Variants in ZNF185 observed in about 807,000 individuals in gnomAD.
ZNF185 encodes zinc finger protein 185.
In ZNF185, 56 loss-of-function variants were observed where a neutral mutation model predicts 58.6. That is an observed-to-expected ratio of 0.95 (90% CI 0.77 to 1.19). ZNF185 has a LOEUF of 1.19. Ranked by LOEUF, ZNF185 falls within the 50% of genes most tolerant of loss-of-function variation. ZNF185 has a pLI of 0.00. For missense variants in ZNF185, 627 were observed against 573.5 expected, an observed-to-expected ratio of 1.09 and a Z score of -0.95; for synonymous variants, 230 against 215.9, an observed-to-expected ratio of 1.07 and a Z score of -0.57.
At position 152,928,571 on chromosome X, in the gene ZNF185, G is replaced by A. The variant is rs1556874550; in HGVS notation, c.831-4G>A. On this transcript the variant is annotated splice_polypyrimidine_tract_variant and splice_region_variant and intron_variant, in intron 11 of 22. Coordinates refer to ENST00000449285, the Ensembl canonical transcript of ZNF185. ...ACCCACTGGGTCTCTCCTTTGGCCC[G>A]CAGCTCAAGAGGTGAGGAAATTGTC... is the stretch of plus-strand genomic sequence containing the variant. 12 of 1,211,317 alleles carry A rather than the reference G, an allele frequency of 9.9e-6. No homozygotes were observed. Among genetic ancestry groups the A allele is most frequent in the South Asian group, 3.5e-5 (2 of 56,917 alleles).
At chrX:152,923,486 A>G (rs1940196289) in intron 11 of ZNF185, among the ~76,000 whole-genome samples, 1 of 112,257 alleles carries the variant, frequency 8.9e-6, no homozygotes, top group African/African-American at 3.2e-5. Context: ...GACTCTCCCC[A>G]TAAGAACTTT....
chrX:152,933,881 G>A (rs1396924864), intron 14 of ZNF185, among the ~76,000 whole-genome samples: 1 of 112,037 alleles, frequency 8.9e-6, no homozygotes, highest in African/African-American at 3.3e-5. Flanking sequence ...TCAATAGTTT[G>A]CAATTCATGC....
chrX:152,922,854 C>T lies in ZNF185; in HGVS notation c.830+45C>T, dbSNP rs782622826. 28 of 1,118,505 alleles carry T rather than the reference C, an allele frequency of 2.5e-5. No individual in the cohort carries two copies. In the East Asian group the frequency reaches 8.2e-4, roughly 33 times the overall value. The allele number at this position is 1,118,505 out of a possible 1,213,427, so 92.2% of individuals were successfully genotyped here. A position where few individuals can be genotyped will look rare whatever the true frequency, so the allele number is the denominator to read the frequency against. On this transcript the variant is annotated intron_variant, in intron 11 of 22. Transcript: ENST00000449285. ...TCTGGCTTGTGAGTGGGTGTGATGG[C>T]TTCCCGCCAGCCTGGCTGGCTGGTT...
At chrX:152,969,596 G>A in intron 21 of ZNF185, 112 bp downstream of exon 23, 1 of 560,847 alleles carries the variant, frequency 1.8e-6, no homozygotes, top group African/African-American at 2.3e-5. Flanking sequence ...TGTGGAGGAG[G>A]CTTGATCTCC....
rs141055690 is a variant in ZNF185, at chrX:152,954,671, C to T, written c.1410-5028C>T. ...ACTAATGTACTAATTCTGTATCTCC[C>T]CCTGTGTTGTTCATCTCAAAAAACT... On this transcript the variant is annotated intron_variant, in intron 16 of 22. Transcript: ENST00000449285. Among the ~76,000 whole-genome samples, 83 of 112,188 alleles carry T rather than the reference C, an allele frequency of 7.4e-4. No individual in the cohort carries two copies. In the East Asian group the frequency reaches 0.018, roughly 25 times the overall value.
chrX:152,938,891 TCAGGCGATCTCC>T (rs1389719300), intron 15 of ZNF185, among the ~76,000 whole-genome samples: 4 of 84,604 alleles, frequency 4.7e-5, no homozygotes, highest in African/African-American at 2.3e-4. Flanking sequence ...AAAAGGCAAC[TCAGGCGATCTCC>T]TCTAAAGAGG....
Position 152,967,158 on chromosome X carries a change from T to G in ZNF185, c.1800-9T>G, listed in dbSNP as rs1556915249. 1 of 1,207,313 alleles carries G rather than the reference T, an allele frequency of 8.3e-7. No homozygotes were observed. The highest frequency in any genetic ancestry group is 1.8e-5 in the African/African-American group (1 of 56,988). On this transcript the variant is annotated splice_polypyrimidine_tract_variant and intron_variant, in intron 19 of 22. Transcript: ENST00000449285. ...TCTGCCCTCCTCTCCCCTATCAAAC[T>G]CCCTGCAGCGTCAGCAGCATTGAGG...
the ZNF185 span, among the ~76,000 whole-genome samples, chrX:152,905,777 C>T: frequency 9.1e-6 from 1 of 110,245 alleles, no homozygotes; most frequent in African/African-American, 3.3e-5. Flanking sequence ...GGTGCTGGTG[C>T]TGGTGGTCCC....
intron 16 of ZNF185, among the ~76,000 whole-genome samples, chrX:152,948,115 A>C (rs2047959072): frequency 8.9e-6 from 1 of 112,063 alleles, no homozygotes; most frequent in African/African-American, 3.2e-5. Context: ...GACTACCGTC[A>C]TGGAAACCAA....
At chrX:152,938,387 G>C (rs2046614863) in intron 15 of ZNF185, among the ~76,000 whole-genome samples, 1 of 112,459 alleles carries the variant, frequency 8.9e-6, no homozygotes, top group Non-Finnish European at 1.9e-5. Flanking sequence ...TAGTCAGAAA[G>C]GGTCTTTCAG....
intron 15 of ZNF185, among the ~76,000 whole-genome samples, chrX:152,943,526 G>C (rs2047471036): frequency 8.9e-6 from 1 of 112,492 alleles, no homozygotes; most frequent in African/African-American, 3.2e-5. Flanking sequence ...GGACAGGATA[G>C]CTGGGAAGTA....
intron 11 of ZNF185, among the ~76,000 whole-genome samples, chrX:152,924,589 G>T (rs1404793563): frequency 8.9e-6 from 1 of 112,273 alleles, no homozygotes; most frequent in Non-Finnish European, 1.9e-5. Context: ...GCACAAGTCA[G>T]CCCATAACAG....
chrX:152,964,280 A>C (rs943839029), intron 18 of ZNF185, among the ~76,000 whole-genome samples: 1 of 112,882 alleles, frequency 8.9e-6, no homozygotes, highest in Non-Finnish European at 1.9e-5. Flanking sequence ...CTGTGAGGGC[A>C]TTCCTGTGTT....
chrX:152,924,151 G>A (rs782593547), intron 11 of ZNF185, among the ~76,000 whole-genome samples: 5 of 111,460 alleles, frequency 4.5e-5, no homozygotes, highest in African/African-American at 9.8e-5. Flanking sequence ...GTCTCACTCC[G>A]TCGCCCAGGC....
the ZNF185 span, among the ~76,000 whole-genome samples, chrX:152,903,588 C>G: frequency 1.8e-5 from 2 of 109,215 alleles, no homozygotes; most frequent in Non-Finnish European, 3.8e-5. Context: ...CATTGGTTCC[C>G]TGGCTGCAGA....
chrX:152,938,554 C>A (rs1556884934), intron 15 of ZNF185, among the ~76,000 whole-genome samples: 1 of 111,074 alleles, frequency 9.0e-6, no homozygotes, highest in African/African-American at 3.3e-5. Context: ...GGGAAGGGGG[C>A]TTCATGGGGA....
At chrX:152,903,422 GAAAA>G in the ZNF185 span, among the ~76,000 whole-genome samples, 8 of 102,644 alleles carry the variant, frequency 7.8e-5, no homozygotes, top group Non-Finnish European at 1.4e-4. Context: ...AAAAGAAAAG[GAAAA>G]AAAAGAAAGA....
intron 16 of ZNF185, among the ~76,000 whole-genome samples, chrX:152,955,242 C>T: frequency 8.9e-6 from 1 of 112,288 alleles, no homozygotes; most frequent in South Asian, 3.7e-4. Flanking sequence ...ATTTAATTTG[C>T]TTTAACAATT....
the ZNF185 span, among the ~76,000 whole-genome samples, chrX:152,901,935 C>T: frequency 2.4e-4 from 27 of 111,834 alleles, no homozygotes; most frequent in Admixed American, 2.4e-3. Context: ...ATTTGACTGC[C>T]GAAGGGTCCC....
Sources: gnomAD v4.1 joint callset for allele counts (sites outside exome capture counted in the v4.1 genomes callset) on GRCh38, gnomAD v4.1.1 for gene constraint, MANE v1.5 for transcripts, NCBI Gene and HGNC (gene_info 2026-07-23, HGNC 2026-07-21) for gene names.